Variants in OSTM1 observed in about 807,000 individuals in gnomAD.
The protein encoded by OSTM1 is osteoclastogenesis associated transmembrane protein 1.
In OSTM1, 26 loss-of-function variants were observed where a neutral mutation model predicts 35.4. The ratio of observed to expected loss-of-function variants is 0.73; its 90% confidence interval spans 0.54 to 1.02. OSTM1 has a LOEUF of 1.02. Among genes scored for constraint, OSTM1 ranks in the 50% least tolerant of loss-of-function variants. The pLI, the probability that OSTM1 is intolerant of heterozygous loss-of-function variation, is 0.00. For synonymous variants in OSTM1, 181 were observed against 165.0 expected, an observed-to-expected ratio of 1.10 and a Z score of -0.75; for missense variants, 366 against 409.6, an observed-to-expected ratio of 0.89 and a Z score of 0.92.
At chr6:108,074,229 C>T in intron 1 of OSTM1, 21 bp downstream of exon 1, 1 of 1,610,462 alleles carries the variant, frequency 6.2e-7, no homozygotes, top group Non-Finnish European at 8.5e-7. Context: ...GCCACAGTCC[C>T]GGACGTGGTC....
In OSTM1 at chr6:108,074,588, G is replaced by A; in HGVS notation, c.64C>T (p.Leu22=). 1 of 1,565,412 alleles carries A rather than the reference G, an allele frequency of 6.4e-7. No individual in the cohort carries two copies. Among genetic ancestry groups the A allele is most frequent in the African/African-American group, 1.3e-5 (1 of 74,090 alleles). Residue 22 remains leucine (L), a synonymous_variant, in exon 1 of 6, where the codon CTG becomes TTG. Transcript: ENST00000193322. The part of the protein sequence containing the change: ...CSLPPWLPLG[L]LLWSGLALGA... ...AGGGCCAGCCCCGACCACAGCAGCA[G>A]CCCCAGCGGCAGCCACGGCGGCAAC...
rs745877545 is a variant in OSTM1, at chr6:108,054,593, A to G, written c.518-6T>C. ...ACTGTTGTTTGTTAAACAATCTGTC[A>G]AAAAAATTCAAAAAGTATATTAATA... is the stretch of plus-strand genomic sequence containing the variant. On this transcript the variant is annotated splice_region_variant and splice_polypyrimidine_tract_variant and intron_variant, in intron 2 of 5. Coordinates refer to ENST00000193322, the MANE Select transcript of OSTM1 (RefSeq NM_014028.4). The G allele has an allele frequency of 7.8e-7, 1 of 1,284,818 alleles. No homozygotes were observed. The highest frequency in any genetic ancestry group is 2.3e-5 in the East Asian group (1 of 43,012). The allele number at this position is 1,284,818 out of a possible 1,614,324, so 79.6% of individuals were successfully genotyped here. A position where few individuals can be genotyped will look rare whatever the true frequency, so the allele number is the denominator to read the frequency against.
At chr6:108,070,261 A>G (rs534160596) in intron 1 of OSTM1, among the ~76,000 whole-genome samples, 1 of 151,646 alleles carries the variant, frequency 6.6e-6, no homozygotes, top group Non-Finnish European at 1.5e-5. Flanking sequence ...CTGGTCTCAA[A>G]CTCCTGGCCT....
intron 2 of OSTM1, among the ~76,000 whole-genome samples, chr6:108,059,944 A>G (rs971551772): frequency 3.3e-5 from 5 of 152,244 alleles, no homozygotes; most frequent in African/African-American, 1.2e-4. Flanking sequence ...AGATTTGAAC[A>G]TTCTGTTAAA....
In OSTM1 at chr6:108,051,100, C is replaced by T. The variant is rs778495723; in HGVS notation, c.714G>A (p.Met238Ile). 5.0e-6 allele frequency: 8 copies of T among 1,613,538 alleles called. No individual in the cohort carries two copies. In the African/African-American group the frequency reaches 5.3e-5, roughly 11 times the overall value. Residue 238 changes from methionine (M) to isoleucine (I), a missense_variant, in exon 4 of 6, where the codon ATG becomes ATA. Physicochemically the swap from Met to Ile is conservative, Grantham distance 10. Transcript: ENST00000193322. ...TATTCTCAAGTTCATTCATTTTTTGCATTTCACTGTACAGACTACTCAGAG... is the reference window on the plus strand; with the variant it reads ...TATTCTCAAGTTCATTCATTTTTTGTATTTCACTGTACAGACTACTCAGAG... ...YKTLSSLYSE[M>I]QKMNELENKA...
chr6:108,052,425 T>G (rs903932992), intron 3 of OSTM1, among the ~76,000 whole-genome samples: 1 of 129,848 alleles, frequency 7.7e-6, no homozygotes, highest in East Asian at 2.4e-4. Flanking sequence ...AGAGCGAGAC[T>G]CCGTCTCAAA....
intron 1 of OSTM1, among the ~76,000 whole-genome samples, chr6:108,067,349 T>C (rs1164108497): frequency 6.6e-6 from 1 of 152,164 alleles, no homozygotes; most frequent in Non-Finnish European, 1.5e-5. Context: ...GAGGATGCCC[T>C]AGATCCCATC....
chr6:108,045,625 T>C (rs965639034), intron 5 of OSTM1, among the ~76,000 whole-genome samples: 1 of 152,168 alleles, frequency 6.6e-6, no homozygotes, highest in Non-Finnish European at 1.5e-5. Flanking sequence ...TTATGTTATA[T>C]AAACACACAA....
chr6:108,071,447 C>T (rs1173754628), intron 1 of OSTM1, among the ~76,000 whole-genome samples: 1 of 149,660 alleles, frequency 6.7e-6, no homozygotes, highest in Non-Finnish European at 1.5e-5. Context: ...CTGCGCACCA[C>T]CACACCCGGC....
At position 108,043,426 on chromosome 6, in the gene OSTM1, C is replaced by G. The variant is rs972872350; in HGVS notation, c.*1359G>C. ...ATAAAAGAAAAAAGAAACACTTTGT[C>G]TCCCTATAGAGCATTTTATAGTATA... On this transcript the variant is annotated 3_prime_UTR_variant, in exon 6 of 6. Coordinates refer to ENST00000193322, the MANE Select transcript of OSTM1 (RefSeq NM_014028.4). The G allele has an allele frequency of 6.6e-6, 1 of 152,188 alleles. No individual in the cohort carries two copies. Among genetic ancestry groups the G allele is most frequent in the African/African-American group, 2.4e-5 (1 of 41,442 alleles). The allele number at this position is 152,188 out of a possible 1,614,324, so 9.4% of individuals were successfully genotyped here. A position where few individuals can be genotyped will look rare whatever the true frequency, so the allele number is the denominator to read the frequency against.
chr6:108,067,264 C>A (rs1447003137), intron 1 of OSTM1, among the ~76,000 whole-genome samples: 2 of 152,256 alleles, frequency 1.3e-5, no homozygotes, highest in South Asian at 4.2e-4. Flanking sequence ...CCTGCCTACC[C>A]CTACATGCAA....
chr6:108,068,986 G>A (rs545468873), intron 1 of OSTM1, among the ~76,000 whole-genome samples: 82 of 152,086 alleles, frequency 5.4e-4, no homozygotes, highest in African/African-American at 1.8e-3. Flanking sequence ...CAGTCTTCAT[G>A]CCTGCTATTT....
rs770600181 is a variant in OSTM1 at position 108,064,286 on chromosome 6, C to G, written c.416G>C (p.Ser139Thr). ...ISRAAGNTSE[S>T]QSCARSLLMA... ...TAAGAGACTTCTGGCACAACTCTGA[C>G]TCTCTGAAGTATTCTGTAACAAAAA... Residue 139 changes from serine to threonine, a missense_variant, in exon 2 of 6, where the codon AGT becomes ACT. Physicochemically the swap from Ser to Thr is moderately conservative, Grantham distance 58. Coordinates refer to ENST00000193322, the MANE Select transcript of OSTM1 (RefSeq NM_014028.4). 4 of 1,545,774 alleles carry G rather than the reference C, an allele frequency of 2.6e-6. No individual in the cohort carries two copies. The African/African-American group carries it at 4.1e-5, about 16-fold the overall frequency.
At chr6:108,071,460 AT>A (rs545759140) in intron 1 of OSTM1, among the ~76,000 whole-genome samples, 2,225 of 103,428 alleles carry the variant, frequency 0.022, 10 homozygotes, top group African/African-American at 0.052. Flanking sequence ...CACCCGGCTA[AT>A]TTTTTTTTTT....
At chr6:108,061,439 C>T (rs796277808) in intron 2 of OSTM1, among the ~76,000 whole-genome samples, 4 of 151,320 alleles carry the variant, frequency 2.6e-5, no homozygotes, top group African/African-American at 9.7e-5. Context: ...TGGTCTCTCT[C>T]TCTTCCAATG....
chr6:108,054,388 A>G (rs1305267544), intron 3 of OSTM1, 102 bp downstream of exon 3: 1 of 570,836 alleles, frequency 1.8e-6, no homozygotes, highest in Non-Finnish European at 3.1e-6. Flanking sequence ...TACATCATGA[A>G]TTTAGATAAA....
chr6:108,047,788 C>T (rs902159203), intron 5 of OSTM1, among the ~76,000 whole-genome samples: 107 of 152,274 alleles, frequency 7.0e-4, no homozygotes, highest in Non-Finnish European at 1.4e-3. Flanking sequence ...TTTGTGGCTT[C>T]CATAGCAAAT....
At chr6:108,056,973 A>G (rs1772180703) in intron 2 of OSTM1, among the ~76,000 whole-genome samples, 1 of 152,196 alleles carries the variant, frequency 6.6e-6, no homozygotes, top group Non-Finnish European at 1.5e-5. Flanking sequence ...GGTGGTTCAC[A>G]CCTGTAATCC....
chr6:108,074,568 C>T lies in OSTM1; in HGVS notation c.84G>A (p.Leu28=), dbSNP rs1279377426. 1.3e-6 allele frequency: 2 copies of T among 1,561,650 alleles called. No homozygotes were observed. The highest frequency in any genetic ancestry group is 2.3e-5 in the South Asian group (2 of 85,656). Residue 28 remains leucine, a synonymous_variant, in exon 1 of 6, where the codon CTG becomes CTA. Coordinates refer to ENST00000193322, the MANE Select transcript of OSTM1 (RefSeq NM_014028.4). ...LPLGLLLWSG[L]ALGALPFGSS... ...TGCCGAAGGGGAGCGCGCCCAGGGC[C>T]AGCCCCGACCACAGCAGCAGCCCCA... is the stretch of plus-strand genomic sequence containing the variant.
Sources: gnomAD v4.1 joint callset for allele counts (sites outside exome capture counted in the v4.1 genomes callset) on GRCh38, gnomAD v4.1.1 for gene constraint, MANE v1.5 for transcripts, NCBI Gene and HGNC (gene_info 2026-07-23, HGNC 2026-07-21) for gene names.